MOCS1: variants seen among roughly 807,000 people sequenced by gnomAD.
MOCS1 encodes molybdenum cofactor synthesis 1.
A neutral mutation model predicts 57.6 loss-of-function variants in MOCS1; 39 were observed. The ratio of observed to expected loss-of-function variants is 0.68; its 90% CI spans 0.52 to 0.88. The LOEUF (loss-of-function observed/expected upper bound fraction) is 0.88, where lower values mean the gene tolerates loss of function less well. Among genes scored for constraint, MOCS1 ranks in the 40% least tolerant of loss-of-function variants. The probability of loss-of-function intolerance (pLI) is 0.00; values close to 1 mark genes in which losing one functional copy is unlikely to be tolerated. For missense variants in MOCS1, 795 were observed against 831.1 expected, an observed-to-expected ratio of 0.96 and a Z score of 0.53; for synonymous variants, 334 against 335.7, an observed-to-expected ratio of 1.00 and a Z score of 0.05.
intron 1 of MOCS1, among the ~76,000 whole-genome samples, 169 bp downstream of exon 1, chr6:39,934,126 G>A (rs1282189119): frequency 6.6e-6 from 1 of 152,070 alleles, no homozygotes; most frequent in Non-Finnish European, 1.5e-5. Flanking sequence ...CTGGGCTAGC[G>A]GGTGAGACCG....
intron 2 of MOCS1, among the ~76,000 whole-genome samples, chr6:39,926,873 T>A (rs1768344208): frequency 6.7e-6 from 1 of 149,692 alleles, no homozygotes; most frequent in South Asian, 2.2e-4. Context: ...AAATGAGGCC[T>A]CTTTGTTATT....
Position 39,905,819 on chromosome 6 carries a change from T to TCAGGA in MOCS1, c.*533_*537dup, listed in dbSNP as rs138907488. The TCAGGA allele has an allele frequency of 0.013, 6,146 of 469,284 alleles. 482 individuals carry two copies. In the East Asian group the frequency reaches 0.24, roughly 19 times the overall value. 29.1% of individuals were successfully genotyped at this position (469,284 alleles called of 1,614,324 possible). On this transcript the variant is annotated 3_prime_UTR_variant, in exon 11 of 11. Coordinates refer to ENST00000340692, the MANE Select transcript of MOCS1 (RefSeq NM_001358530.2). ...GACTTGGGCAGAAGGAGAGATGAAG[T>TCAGGA]CAGGACAGGACAGGACAGGGCAGGG... is the stretch of plus-strand genomic sequence containing the variant.
At chr6:39,908,148 C>A (rs915994182) in intron 10 of MOCS1, among the ~76,000 whole-genome samples, 1 of 152,184 alleles carries the variant, frequency 6.6e-6, no homozygotes, top group East Asian at 1.9e-4. Flanking sequence ...TTTGCTTTCC[C>A]GGGCAGCCAG....
Position 39,916,097 on chromosome 6 carries a change from G to A in MOCS1, c.554C>T (p.Ala185Val), listed in dbSNP as rs1277403704. The A allele has an allele frequency of 4.3e-6, 7 of 1,612,526 alleles. No homozygotes were observed. Among genetic ancestry groups the A allele is most frequent in the South Asian group, 3.3e-5 (3 of 90,758 alleles). Residue 185 changes from alanine to valine, a missense_variant, in exon 4 of 11, where the codon GCC (alanine) becomes GTC (valine). Physicochemically the swap from Ala to Val is moderately conservative, Grantham distance 64. Transcript: ENST00000340692. ...INISLDTLVP[A>V]KFEFIVRRKG... ...CCTGCGGACAATGAACTCAAACTTGGCAGGCACCAGGGTGTCCAGGCTGAT... is the reference window on the plus strand; with the variant it reads ...CCTGCGGACAATGAACTCAAACTTGACAGGCACCAGGGTGTCCAGGCTGAT...
At chr6:39,929,699 G>C (rs1050038610) in intron 1 of MOCS1, among the ~76,000 whole-genome samples, 8 of 152,008 alleles carry the variant, frequency 5.3e-5, no homozygotes, top group African/African-American at 1.4e-4. Flanking sequence ...CCAGCACTTT[G>C]GGAGGCCGAG....
At chr6:39,908,348 A>G (rs1767084119) in intron 10 of MOCS1, among the ~76,000 whole-genome samples, 1 of 152,136 alleles carries the variant, frequency 6.6e-6, no homozygotes, top group Admixed American at 6.5e-5. Flanking sequence ...CTCACCTGCT[A>G]TAATCTGGGC....
Position 39,904,773 on chromosome 6 carries a change from A to G in MOCS1, c.*1584T>C, listed in dbSNP as rs1372241123. On this transcript the variant is annotated 3_prime_UTR_variant, in exon 11 of 11. Transcript: ENST00000340692. ...GCTGCCTCAGATGACAAATGAGGCT[A>G]ATGGACATAATCTACAGTGTCCTTT... 1 of 454,036 alleles carries G rather than the reference A, an allele frequency of 2.2e-6. No individual in the cohort carries two copies. The highest frequency in any genetic ancestry group is 4.4e-6 in the Non-Finnish European group (1 of 226,800). 28.1% of individuals were successfully genotyped at this position (454,036 alleles called of 1,614,324 possible). A position where few individuals can be genotyped will look rare whatever the true frequency, so the allele number is the denominator to read the frequency against.
At position 39,906,075 on chromosome 6, in the gene MOCS1, A is replaced by G. The variant is rs200673409; in HGVS notation, c.*282T>C. On this transcript the variant is annotated 3_prime_UTR_variant, in exon 11 of 11. Coordinates refer to ENST00000340692, the MANE Select transcript of MOCS1 (RefSeq NM_001358530.2). ...TAGTCCACAAAGAACATGATTTCTCAGTTATCTGGCATTGCTTGTTGCAGT... is the reference window on the plus strand; with the variant it reads ...TAGTCCACAAAGAACATGATTTCTCGGTTATCTGGCATTGCTTGTTGCAGT... 2.7e-4 allele frequency: 170 copies of G among 637,480 alleles called. 2 individuals carry two copies. The highest frequency in any genetic ancestry group is 2.3e-3 in the South Asian group (151 of 66,222). 39.5% of individuals were successfully genotyped at this position (637,480 alleles called of 1,614,324 possible).
intron 3 of MOCS1, among the ~76,000 whole-genome samples, chr6:39,921,460 T>C (rs1767968314): frequency 6.6e-6 from 1 of 151,986 alleles, no homozygotes; most frequent in Non-Finnish European, 1.5e-5. Flanking sequence ...TAGGAACCAC[T>C]AACATTATTA....
rs2149403493 is a variant in MOCS1 at position 39,912,876 on chromosome 6, C to T, written c.870+16G>A. The T allele has an allele frequency of 6.2e-7, 1 of 1,607,920 alleles. No individual in the cohort carries two copies. The highest frequency in any genetic ancestry group is 1.7e-5 in the Admixed American group (1 of 60,010). On this transcript the variant is annotated intron_variant, in intron 7 of 10. Transcript: ENST00000340692. ...ACCTTCCTCCAGGCCTGCCCCACAC[C>T]CTCCTGCTCCCTAACCTTGGCTGTG...
Position 39,927,792 on chromosome 6 carries a change from A to T in MOCS1, c.124-337T>A, listed in dbSNP as rs573863766. On this transcript the variant is annotated intron_variant, in intron 1 of 10. Coordinates refer to ENST00000340692, the MANE Select transcript of MOCS1 (RefSeq NM_001358530.2). ...CTTCACTCTAGCCAGTGCCAAAAAA[A>T]GGATTGTGCACCCATGGTCTCGGGC... 5.0e-6 allele frequency: 7 copies of T among 1,396,818 alleles called. No individual in the cohort carries two copies. In the African/African-American group the frequency reaches 1.0e-4, roughly 20 times the overall value. 86.5% of individuals were successfully genotyped at this position (1,396,818 alleles called of 1,614,324 possible).
rs748587811 is a variant in MOCS1 at position 39,906,235 on chromosome 6, C to A, written c.*122G>T. ...TGTTAGTAGTAGAGCAGGCTGACTT[C>A]GGGTTTACTGCTCAAGGTAAACAAA... On this transcript the variant is annotated 3_prime_UTR_variant, in exon 11 of 11. Coordinates refer to ENST00000340692, the MANE Select transcript of MOCS1 (RefSeq NM_001358530.2). 1 of 1,258,202 alleles carries A rather than the reference C, an allele frequency of 7.9e-7. No homozygotes were observed. Among genetic ancestry groups the A allele is most frequent in the Non-Finnish European group, 1.2e-6 (1 of 865,864 alleles). The allele number at this position is 1,258,202 out of a possible 1,614,324, so 77.9% of individuals were successfully genotyped here. A position where few individuals can be genotyped will look rare whatever the true frequency, so the allele number is the denominator to read the frequency against.
chr6:39,924,250 C>T (rs989492711), intron 3 of MOCS1, among the ~76,000 whole-genome samples: 5 of 152,182 alleles, frequency 3.3e-5, no homozygotes, highest in Admixed American at 6.5e-5. Context: ...GCCCAAGGTA[C>T]GCTTCTTGTA....
rs139999995 is a variant in MOCS1 at position 39,909,842 on chromosome 6, C to G, written c.1095G>C (p.Gln365His). The stretch of plus-strand genomic sequence containing the variant: ...TCCCCACCCTGCACTTACCTGCATG[C>G]TGCCGCTTCTTCCTGCCCACAGCAG... ...IGAAVGRKKR[Q>H]HAGMFSISQM... The change falls in exon 9 of 11, where the codon CAG (glutamine) becomes CAC (histidine). Residue 365 changes from glutamine to histidine, a missense_variant. Gln to His is a conservative substitution (Grantham distance 24, BLOSUM62 0). Coordinates refer to ENST00000340692, the MANE Select transcript of MOCS1 (RefSeq NM_001358530.2). 2 of 1,613,198 alleles carry G rather than the reference C, an allele frequency of 1.2e-6. No homozygotes were observed. The highest frequency in any genetic ancestry group is 2.7e-5 in the African/African-American group (2 of 74,930).
In MOCS1 at chr6:39,906,784, T is replaced by A; in HGVS notation, c.1484A>T (p.Asp495Val). ...VDSEGRAAMV[D>V]VGRKPDTERV... ...CTCTGTGTCTGGCTTCCTGCCCACA[T>A]CTACCATAGCTGCCCGTCCTTCCGA... The change falls in exon 11 of 11, where the codon GAT becomes GTT. Residue 495 changes from aspartate (D) to valine (V), a missense_variant. By Grantham distance (152) the Asp-to-Val change is radical. This residue lies in a region of MOCS1 where 374 missense variants were observed against 422.6 expected (regional missense o/e 0.89). Coordinates refer to ENST00000340692, the MANE Select transcript of MOCS1 (RefSeq NM_001358530.2). The A allele has an allele frequency of 6.2e-7, 1 of 1,614,200 alleles. No individual in the cohort carries two copies. Among genetic ancestry groups the A allele is most frequent in the Non-Finnish European group, 8.5e-7 (1 of 1,180,022 alleles).
chr6:39,924,396 T>C (rs1028613858), intron 3 of MOCS1, among the ~76,000 whole-genome samples: 5 of 152,216 alleles, frequency 3.3e-5, no homozygotes, highest in Admixed American at 6.5e-5. Flanking sequence ...AAACAAAACC[T>C]GCTCCAGCAA....
At chr6:39,925,560 G>C in intron 3 of MOCS1, 118 bp downstream of exon 3, 1 of 1,198,168 alleles carries the variant, frequency 8.3e-7, no homozygotes, top group Non-Finnish European at 1.2e-6. Flanking sequence ...AGGTGTTGTA[G>C]GACCAAGAGA....
chr6:39,910,755 A>G (rs1231221403), intron 8 of MOCS1, among the ~76,000 whole-genome samples: 1 of 152,074 alleles, frequency 6.6e-6, no homozygotes, highest in Non-Finnish European at 1.5e-5. Context: ...TCGCTCCCCA[A>G]CCAGCCTCCA....
At chr6:39,909,146 G>A (rs1319402208) in intron 9 of MOCS1, 44 bp from the exon 10 acceptor site, 1 of 1,212,712 alleles carries the variant, frequency 8.2e-7, no homozygotes, top group Non-Finnish European at 1.2e-6. Flanking sequence ...AGCAGGGGAG[G>A]GGGAGAGGGA....
Sources: allele counts gnomAD v4.1 joint callset (sites outside exome capture counted in the v4.1 genomes callset), GRCh38; gene constraint gnomAD v4.1.1; regional missense constraint gnomAD v4.1.1; transcripts MANE v1.5; gene names NCBI Gene and HGNC (gene_info 2026-07-23, HGNC 2026-07-21).